ANKRD6: variants seen among roughly 807,000 people sequenced by gnomAD.
The protein encoded by ANKRD6 is ankyrin repeat domain-containing protein 6.
A neutral mutation model predicts 82.3 loss-of-function variants in ANKRD6; 56 were observed. The ratio of observed to expected loss-of-function variants is 0.68; its 90% CI spans 0.55 to 0.85. ANKRD6 has a LOEUF of 0.85. Among genes scored for constraint, ANKRD6 ranks in the 40% least tolerant of loss-of-function variants. The pLI, the probability that ANKRD6 is intolerant of heterozygous loss-of-function variation, is 0.00. For synonymous variants in ANKRD6, 347 were observed against 352.1 expected (o/e 0.99, Z 0.16); for missense variants, 852 against 907.6 (o/e 0.94, Z 0.79).
At chr6:89,622,575 C>T (rs1324382089) in intron 10 of ANKRD6, among the ~76,000 whole-genome samples, 1 of 152,220 alleles carries the variant, frequency 6.6e-6, no homozygotes, top group Non-Finnish European at 1.5e-5. Context: ...GCTATGCTAG[C>T]CTGTATGGCT....
At chr6:89,547,783 G>T (rs1231978670) in intron 1 of ANKRD6, among the ~76,000 whole-genome samples, 1 of 152,144 alleles carries the variant, frequency 6.6e-6, no homozygotes, top group African/African-American at 2.4e-5. Context: ...AGTTGGCTGA[G>T]AGCCAGCTGC....
At chr6:89,493,790 C>G (rs1778289483) in intron 1 of ANKRD6, among the ~76,000 whole-genome samples, 3 of 152,128 alleles carry the variant, frequency 2.0e-5, no homozygotes, top group Non-Finnish European at 4.4e-5. Flanking sequence ...CCCTTCCTCA[C>G]AGAATCCTTA....
At chr6:89,480,607 C>G (rs1425639713) in intron 1 of ANKRD6, among the ~76,000 whole-genome samples, 2 of 150,086 alleles carry the variant, frequency 1.3e-5, no homozygotes, top group African/African-American at 4.9e-5. Flanking sequence ...ATCCTCCTCA[C>G]TAATTACTTT....
intron 5 of ANKRD6, among the ~76,000 whole-genome samples, chr6:89,607,993 G>A (rs1156476567): frequency 8.9e-6 from 1 of 112,254 alleles, no homozygotes; most frequent in East Asian, 2.2e-4. Flanking sequence ...GGCTGGTCTT[G>A]AACTCCTGAC....
At chr6:89,606,170 T>A in intron 5 of ANKRD6, 65 bp downstream of exon 5, 1 of 1,308,938 alleles carries the variant, frequency 7.6e-7, no homozygotes, top group Non-Finnish European at 1.0e-6. Flanking sequence ...TTTCTCCCCC[T>A]GTGGGAGCCT....
chr6:89,546,854 A>G (rs771283202), intron 1 of ANKRD6, among the ~76,000 whole-genome samples: 1 of 152,196 alleles, frequency 6.6e-6, no homozygotes, highest in Non-Finnish European at 1.5e-5. Context: ...TCTCACTGTG[A>G]TTGGCGTTTT....
At chr6:89,527,529 G>C (rs1213672248) in intron 1 of ANKRD6, among the ~76,000 whole-genome samples, 1 of 144,876 alleles carries the variant, frequency 6.9e-6, no homozygotes, top group Non-Finnish European at 1.5e-5. Flanking sequence ...GGGAGGCATA[G>C]GTTGCAATAA....
Position 89,613,967 on chromosome 6 carries a change from G to A in ANKRD6, c.615+77G>A. ...CCGGACAGGTCTGTTAGTGCAAACGGGAGCAGAGGCTGCTGGGAAGCTGCC... is the reference window on the plus strand; with the variant it reads ...CCGGACAGGTCTGTTAGTGCAAACGAGAGCAGAGGCTGCTGGGAAGCTGCC... On this transcript the variant is annotated intron_variant, in intron 7 of 15. Transcript: ENST00000339746. The A allele has an allele frequency of 4.8e-6, 7 of 1,454,930 alleles. No individual in the cohort carries two copies. The East Asian group carries it at 1.6e-4, about 34-fold the overall frequency. 90.1% of individuals were successfully genotyped at this position (1,454,930 alleles called of 1,614,324 possible). A position where few individuals can be genotyped will look rare whatever the true frequency, so the allele number is the denominator to read the frequency against.
chr6:89,617,515 C>T (rs554718017), intron 8 of ANKRD6, among the ~76,000 whole-genome samples: 7 of 152,324 alleles, frequency 4.6e-5, no homozygotes, highest in South Asian at 2.1e-4. Flanking sequence ...GCTCCTCCGG[C>T]GTCTTCCCAC....
At chr6:89,518,961 C>T (rs1781565399) in intron 1 of ANKRD6, among the ~76,000 whole-genome samples, 1 of 152,200 alleles carries the variant, frequency 6.6e-6, no homozygotes, top group East Asian at 1.9e-4. Context: ...AGATGGCCAC[C>T]TTCTTCCTGT....
At chr6:89,578,284 T>C (rs6904141) in intron 2 of ANKRD6, among the ~76,000 whole-genome samples, 114,086 of 136,826 alleles carry the variant, frequency 0.83, 48,195 homozygotes, top group South Asian at 0.95. Flanking sequence ...CCCTCCCGCC[T>C]CCTTTTTTTT....
chr6:89,572,845 C>T (rs1422189893), intron 2 of ANKRD6, among the ~76,000 whole-genome samples: 1 of 152,078 alleles, frequency 6.6e-6, no homozygotes, highest in African/African-American at 2.4e-5. Flanking sequence ...AGGTTTATTT[C>T]TATGCTTTCT....
At chr6:89,593,977 A>G (rs943494651) in intron 2 of ANKRD6, among the ~76,000 whole-genome samples, 1 of 152,248 alleles carries the variant, frequency 6.6e-6, no homozygotes, top group East Asian at 1.9e-4. Context: ...AGGGCTAAGA[A>G]GGCTACTCAG....
chr6:89,483,196 C>T (rs950861223), intron 1 of ANKRD6, among the ~76,000 whole-genome samples: 15 of 152,270 alleles, frequency 9.9e-5, no homozygotes, highest in East Asian at 3.9e-4. Flanking sequence ...TTGAAAAGCC[C>T]GCCTGGTAGA....
intron 1 of ANKRD6, among the ~76,000 whole-genome samples, chr6:89,472,307 T>A (rs1192085359): frequency 6.6e-6 from 1 of 152,226 alleles, no homozygotes; most frequent in Non-Finnish European, 1.5e-5. Flanking sequence ...GCTTATCCTT[T>A]TGGGGGGCAC....
chr6:89,579,088 A>G (rs1206731169), intron 2 of ANKRD6, among the ~76,000 whole-genome samples: 3 of 152,196 alleles, frequency 2.0e-5, no homozygotes, highest in East Asian at 1.9e-4. Flanking sequence ...GAAATTCCTG[A>G]TGAAGGCGGT....
chr6:89,554,266 A>G (rs1786266087), intron 1 of ANKRD6, among the ~76,000 whole-genome samples: 1 of 152,134 alleles, frequency 6.6e-6, no homozygotes, highest in Non-Finnish European at 1.5e-5. Context: ...GTTCCCTTGT[A>G]TCCTCCATTC....
chr6:89,591,047 C>T (rs561317062), intron 2 of ANKRD6, among the ~76,000 whole-genome samples: 4 of 152,240 alleles, frequency 2.6e-5, no homozygotes, highest in Non-Finnish European at 4.4e-5. Context: ...TGATCTTTGA[C>T]GATAACTGGG....
At chr6:89,537,764 C>T (rs565317290) in intron 1 of ANKRD6, among the ~76,000 whole-genome samples, 1 of 150,700 alleles carries the variant, frequency 6.6e-6, no homozygotes, top group African/African-American at 2.4e-5. Flanking sequence ...GGCATAATGG[C>T]ATGCTCCTGC....
Sources: allele counts gnomAD v4.1 joint callset (sites outside exome capture counted in the v4.1 genomes callset), GRCh38; gene constraint gnomAD v4.1.1; transcripts MANE v1.5; gene names NCBI Gene and HGNC (gene_info 2026-07-23, HGNC 2026-07-21).